The following KCNQ5 variants were observed in gnomAD, a reference collection of about 807,000 sequenced individuals.
The protein encoded by KCNQ5 is potassium voltage-gated channel subfamily KQT member 5.
KCNQ5 carries 30 observed loss-of-function variants against 98.2 expected under a neutral mutation model. The ratio of observed to expected loss-of-function variants is 0.31; its 90% CI spans 0.23 to 0.41. The LOEUF (loss-of-function observed/expected upper bound fraction) is 0.41, where lower values mean the gene tolerates loss of function less well. Ranked by LOEUF, KCNQ5 falls within the 10% of genes least tolerant of loss-of-function variation. The pLI, the probability that KCNQ5 is intolerant of heterozygous loss-of-function variation, is 1.00. For synonymous variants in KCNQ5, 458 were observed against 449.4 expected, an observed-to-expected ratio of 1.02 and a Z score of -0.24; for missense variants, 835 against 1,182.5, an observed-to-expected ratio of 0.71 and a Z score of 4.31.
intron 1 of KCNQ5, among the ~76,000 whole-genome samples, chr6:72,854,033 T>A (rs977041211): frequency 6.6e-6 from 1 of 152,212 alleles, no homozygotes. Flanking sequence ...ATCATGCCAG[T>A]GCCCTACTCT....
chr6:72,826,279 C>T lies in KCNQ5; in HGVS notation c.399-177629C>T, dbSNP rs537293101. Reference sequence around the variant, plus strand: ...TTAGTCATTAGATCCCATGATAGGCCTTGTTAATGCCATGGAGAGAAAAGA... The same window carrying T: ...TTAGTCATTAGATCCCATGATAGGCTTTGTTAATGCCATGGAGAGAAAAGA... On this transcript the variant is annotated intron_variant, in intron 1 of 13. Coordinates refer to ENST00000370398, the MANE Select transcript of KCNQ5 (RefSeq NM_019842.4). Among the ~76,000 whole-genome samples the T allele has an allele frequency of 3.9e-5, 6 of 152,178 alleles. 1 individual carries two copies. In the South Asian group the frequency reaches 1.0e-3, roughly 26 times the overall value.
At chr6:72,768,331 G>T (rs1490541373) in intron 1 of KCNQ5, among the ~76,000 whole-genome samples, 1 of 151,910 alleles carries the variant, frequency 6.6e-6, no homozygotes, top group Non-Finnish European at 1.5e-5. Flanking sequence ...GAGGAGGGAA[G>T]TCGAACTGGA....
At chr6:72,659,419 G>A (rs1294223587) in intron 1 of KCNQ5, among the ~76,000 whole-genome samples, 1 of 152,118 alleles carries the variant, frequency 6.6e-6, no homozygotes, top group Non-Finnish European at 1.5e-5. Flanking sequence ...ATCTATCTTA[G>A]TTCATTCGTG....
At chr6:73,035,613 T>C (rs1204690881) in intron 2 of KCNQ5, among the ~76,000 whole-genome samples, 1 of 152,158 alleles carries the variant, frequency 6.6e-6, no homozygotes, top group Admixed American at 6.5e-5. Flanking sequence ...ATGTAACAGA[T>C]TTTTGTATTT....
chr6:73,109,520 T>G (rs1775140760), intron 6 of KCNQ5, among the ~76,000 whole-genome samples: 1 of 152,178 alleles, frequency 6.6e-6, no homozygotes, highest in African/African-American at 2.4e-5. Flanking sequence ...AAAGTAGTAT[T>G]AAAGGGAAAA....
intron 1 of KCNQ5, among the ~76,000 whole-genome samples, chr6:72,866,804 G>C (rs1778005117): frequency 1.3e-5 from 2 of 152,276 alleles, no homozygotes; most frequent in African/African-American, 4.8e-5. Flanking sequence ...TAAGGACCTT[G>C]AACCTCATAA....
At chr6:72,850,182 A>G (rs980456942) in intron 1 of KCNQ5, among the ~76,000 whole-genome samples, 1 of 152,164 alleles carries the variant, frequency 6.6e-6, no homozygotes, top group African/African-American at 2.4e-5. Flanking sequence ...CAGGTAATAG[A>G]TATAAGGCTG....
chr6:73,190,672 C>T lies in KCNQ5; in HGVS notation c.1677C>T (p.Asp559=), dbSNP rs1765561324. 1 of 1,594,266 alleles carries T rather than the reference C, an allele frequency of 6.3e-7. No individual in the cohort carries two copies. Among genetic ancestry groups the T allele is most frequent in the South Asian group, 1.1e-5 (1 of 87,326 alleles). ...VIEQYSAGHL[D]MLCRIKSLQT... ...AACAATATTCTGCTGGTCATCTGGA[C>T]ATGTTGTGTAGAATTAAAAGCCTTC... is the stretch of plus-strand genomic sequence containing the variant. Residue 559 remains aspartate, a synonymous_variant, in exon 12 of 14, where the codon GAC becomes GAT. Transcript: ENST00000370398.
intron 1 of KCNQ5, among the ~76,000 whole-genome samples, chr6:72,778,839 A>C (rs1439681274): frequency 6.6e-6 from 1 of 152,242 alleles, no homozygotes; most frequent in East Asian, 1.9e-4. Flanking sequence ...CCCAGAGCAC[A>C]GAAGTTCAAA....
Position 72,786,663 on chromosome 6 carries a change from C to T in KCNQ5, c.398+164076C>T, listed in dbSNP as rs372143579. On this transcript the variant is annotated intron_variant, in intron 1 of 13. Transcript: ENST00000370398. ...TCAAAGTCCTAAAGTTTATTTACTT[C>T]GCAATACTGGCCTCTCACAACAGAA... 7.9e-5 allele frequency among the ~76,000 whole-genome samples: 12 copies of T among 152,098 alleles called. No individual in the cohort carries two copies. The South Asian group carries it at 1.2e-3, about 16-fold the overall frequency.
chr6:72,636,307 T>C (rs756956267), intron 1 of KCNQ5, among the ~76,000 whole-genome samples: 7 of 152,172 alleles, frequency 4.6e-5, no homozygotes, highest in Non-Finnish European at 8.8e-5. Flanking sequence ...GAGCCAAGAA[T>C]AGATCTATAA....
Position 73,063,991 on chromosome 6 carries a change from A to G in KCNQ5, c.617-13331A>G, listed in dbSNP as rs575286915. Among the ~76,000 whole-genome samples the G allele has an allele frequency of 4.6e-5, 7 of 152,286 alleles. No homozygotes were observed. The East Asian group carries it at 1.3e-3, about 29-fold the overall frequency. On this transcript the variant is annotated intron_variant, in intron 3 of 13. Coordinates refer to ENST00000370398, the MANE Select transcript of KCNQ5 (RefSeq NM_019842.4). Reference sequence around the variant, plus strand: ...TCCAAAAATAGGAAATTGTGCATTGAAAAATATTGAGAGCCAGGTGAACCA... The same window carrying G: ...TCCAAAAATAGGAAATTGTGCATTGGAAAATATTGAGAGCCAGGTGAACCA...
intron 10 of KCNQ5, among the ~76,000 whole-genome samples, chr6:73,145,386 G>T (rs925668465): frequency 6.6e-6 from 1 of 152,204 alleles, no homozygotes; most frequent in Non-Finnish European, 1.5e-5. Flanking sequence ...TACCATGCAT[G>T]CTGCTTAGCA....
intron 1 of KCNQ5, among the ~76,000 whole-genome samples, chr6:72,833,142 T>C (rs780523574): frequency 3.3e-5 from 5 of 152,160 alleles, no homozygotes; most frequent in Non-Finnish European, 7.4e-5. Context: ...AGAATCTAAA[T>C]ATTCATGAAC....
intron 1 of KCNQ5, among the ~76,000 whole-genome samples, chr6:72,981,933 AG>A (rs1267157972): frequency 8.5e-5 from 13 of 152,180 alleles, no homozygotes; most frequent in Non-Finnish European, 1.5e-4. Flanking sequence ...GTTCAGGAGC[AG>A]GTTGTTCAGT....
intron 1 of KCNQ5, among the ~76,000 whole-genome samples, chr6:72,913,184 C>G (rs1780010106): frequency 1.3e-5 from 2 of 152,032 alleles, no homozygotes; most frequent in Admixed American, 1.3e-4. Context: ...TTAGGTGTAT[C>G]TTTCCAATTT....
At chr6:72,923,686 C>T (rs765503106) in intron 1 of KCNQ5, among the ~76,000 whole-genome samples, 25 of 152,090 alleles carry the variant, frequency 1.6e-4, no homozygotes, top group Non-Finnish European at 3.1e-4. Flanking sequence ...GTTTTTCAAC[C>T]CAAATTTGCC....
At chr6:72,656,195 G>A (rs1005698034) in intron 1 of KCNQ5, among the ~76,000 whole-genome samples, 3 of 152,068 alleles carry the variant, frequency 2.0e-5, no homozygotes, top group Non-Finnish European at 4.4e-5. Context: ...TGTCCTGGAC[G>A]CTCATGCAGC....
intron 3 of KCNQ5, among the ~76,000 whole-genome samples, chr6:73,065,753 T>G (rs1773021331): frequency 6.6e-6 from 1 of 152,224 alleles, no homozygotes; most frequent in South Asian, 2.1e-4. Flanking sequence ...TTTTATATTT[T>G]TTTGCCTGGA....
Sources: gnomAD v4.1 joint callset for allele counts (sites outside exome capture counted in the v4.1 genomes callset) on GRCh38, gnomAD v4.1.1 for gene constraint, MANE v1.5 for transcripts, NCBI Gene and HGNC (gene_info 2026-07-23, HGNC 2026-07-21) for gene names.